Variants in ESRRB observed in about 807,000 individuals in gnomAD.
ESRRB encodes the protein estrogen related receptor beta, also known as steroid hormone receptor ERR2.
ESRRB carries 16 observed loss-of-function variants against 46.0 expected under a neutral mutation model. The observed-to-expected ratio is 0.35, with a 90% CI of 0.24 to 0.53. ESRRB has a LOEUF of 0.53. ESRRB is among the 20% of genes least tolerant of loss of function. The probability of loss-of-function intolerance (pLI) is 0.93; values close to 1 mark genes in which losing one functional copy is unlikely to be tolerated. For missense variants in ESRRB, 488 were observed against 607.4 expected, an observed-to-expected ratio of 0.80 and a Z score of 2.07; for synonymous variants, 246 against 259.6, an observed-to-expected ratio of 0.95 and a Z score of 0.50.
chr14:76,457,281 G>C (rs1168297737), intron 2 of ESRRB, among the ~76,000 whole-genome samples: 1 of 152,022 alleles, frequency 6.6e-6, no homozygotes, highest in Non-Finnish European at 1.5e-5. Context: ...AGACCTTAAT[G>C]TTCTCAAATA....
intron 1 of ESRRB, among the ~76,000 whole-genome samples, chr14:76,325,199 G>A (rs938706688): frequency 4.6e-5 from 7 of 152,004 alleles, no homozygotes; most frequent in East Asian, 1.9e-4. Flanking sequence ...CAGGTGATCC[G>A]CCCACCTTGG....
At chr14:76,414,668 T>TAAAAAAA (rs71452810) in intron 1 of ESRRB, among the ~76,000 whole-genome samples, 1,228 of 116,690 alleles carry the variant, frequency 0.011, 20 homozygotes, top group East Asian at 0.061. Context: ...GTTTGTTCCT[T>TAAAAAAA]AAAAAAAAAA....
chr14:76,426,887 A>C (rs1320367458), intron 1 of ESRRB, among the ~76,000 whole-genome samples: 1 of 152,222 alleles, frequency 6.6e-6, no homozygotes, highest in Non-Finnish European at 1.5e-5. Context: ...AACAAACAAA[A>C]AAATTGTTTA....
chr14:76,317,310 C>CTGTGTGTGTG (rs4024313), intron 1 of ESRRB, among the ~76,000 whole-genome samples: 115 of 134,524 alleles, frequency 8.5e-4, no homozygotes, highest in African/African-American at 1.7e-3. Flanking sequence ...TGATTAGGCT[C>CTGTGTGTGTG]TGTGTGTGTG....
intron 1 of ESRRB, among the ~76,000 whole-genome samples, chr14:76,394,497 TC>T (rs2139825997): frequency 6.6e-6 from 1 of 152,288 alleles, no homozygotes; most frequent in African/African-American, 2.4e-5. Context: ...GGTACTCTCC[TC>T]CCCAAAGAGG....
chr14:76,313,348 A>G (rs924619646), intron 1 of ESRRB, among the ~76,000 whole-genome samples: 2 of 152,114 alleles, frequency 1.3e-5, no homozygotes, highest in South Asian at 2.1e-4. Flanking sequence ...CTTAAATGCA[A>G]TTGGTCACGG....
intron 1 of ESRRB, among the ~76,000 whole-genome samples, chr14:76,349,487 G>T (rs1387663262): frequency 6.6e-6 from 1 of 152,186 alleles, no homozygotes; most frequent in Non-Finnish European, 1.5e-5. Flanking sequence ...ACCCAAGAAG[G>T]TGTGGCCTCC....
At chr14:76,408,407 T>C (rs1458050564) in intron 1 of ESRRB, among the ~76,000 whole-genome samples, 2 of 151,790 alleles carry the variant, frequency 1.3e-5, no homozygotes, top group East Asian at 3.9e-4. Context: ...GGCAAGACTC[T>C]GTCTCTACAA....
intron 3 of ESRRB, chr14:76,463,446 T>TTTTTTTTG (rs1566600003): frequency 1.9e-5 from 2 of 104,564 alleles, no homozygotes; most frequent in Admixed American, 1.8e-4. Context: ...TGCTTCTTTG[T>TTTTTTTTG]TTTTTTTTTT....
intron 1 of ESRRB, among the ~76,000 whole-genome samples, chr14:76,353,745 G>T (rs754908123): frequency 6.6e-6 from 1 of 151,946 alleles, no homozygotes; most frequent in Non-Finnish European, 1.5e-5. Context: ...TGAGCCCAGG[G>T]GTTTGAGACC....
intron 1 of ESRRB, among the ~76,000 whole-genome samples, chr14:76,324,846 C>T (rs1191631330): frequency 1.3e-5 from 2 of 152,228 alleles, no homozygotes; most frequent in South Asian, 2.1e-4. Flanking sequence ...GAGCTCCCTA[C>T]AATTGCCTTC....
At chr14:76,437,479 G>A (rs1463605506) in intron 1 of ESRRB, among the ~76,000 whole-genome samples, 1 of 152,180 alleles carries the variant, frequency 6.6e-6, no homozygotes, top group African/African-American at 2.4e-5. Flanking sequence ...GTGATAAGAG[G>A]GAGAGACAGA....
intron 1 of ESRRB, among the ~76,000 whole-genome samples, chr14:76,352,827 CG>C: frequency 6.6e-6 from 1 of 152,356 alleles, no homozygotes; most frequent in East Asian, 1.9e-4. Context: ...TCTGGGAACG[CG>C]GGCTCTCTCC....
At chr14:76,358,407 G>GAAAGAAGGAAAGA (rs1884423049) in intron 1 of ESRRB, among the ~76,000 whole-genome samples, 1 of 128,040 alleles carries the variant, frequency 7.8e-6, no homozygotes, top group Non-Finnish European at 1.7e-5. Context: ...AAGAAAGAAA[G>GAAAGAAGGAAAGA]AAAGAAAAGA....
chr14:76,500,062 G>C lies in ESRRB; in HGVS notation c.*1604G>C. On this transcript the variant is annotated 3_prime_UTR_variant, in exon 7 of 7. Coordinates refer to ENST00000644823, the MANE Select transcript of ESRRB (RefSeq NM_001379180.1). ...TCACCCAGCACTAGGACACCAGGAG[G>C]CCAGGTAACTTTCTGCAGCTTTTCC... is the stretch of plus-strand genomic sequence containing the variant. The C allele has an allele frequency of 6.5e-7, 1 of 1,550,350 alleles. No homozygotes were observed. The highest frequency in any genetic ancestry group is 1.2e-5 in the South Asian group (1 of 84,052).
At chr14:76,367,898 T>G (rs1217967382), upstream of ESRRB, among the ~76,000 whole-genome samples, 4 of 151,446 alleles carry the variant, frequency 2.6e-5, no homozygotes, top group South Asian at 8.3e-4. Context: ...AGAAGGCCTT[T>G]GTCCCCCTCC....
chr14:76,478,481 G>T (rs762709395), intron 3 of ESRRB, among the ~76,000 whole-genome samples: 1 of 152,080 alleles, frequency 6.6e-6, no homozygotes, highest in Non-Finnish European at 1.5e-5. Context: ...ATTGACAGCT[G>T]CTTGCCGGGA....
At position 76,387,274 on chromosome 14, in the gene ESRRB, T is replaced by C. The variant is rs117982877; in HGVS notation, c.50+10823T>C. ...TCAGAACAGCACAGTCGCACAGCCT[T>C]GGTAAACACAACCATTGTTTTAAGC... On this transcript the variant is annotated intron_variant, in intron 1 of 6. Transcript: ENST00000644823. Among the ~76,000 whole-genome samples, 85 of 152,310 alleles carry C rather than the reference T, an allele frequency of 5.6e-4. No individual in the cohort carries two copies. In the East Asian group the frequency reaches 0.016, roughly 28 times the overall value.
intron 2 of ESRRB, among the ~76,000 whole-genome samples, chr14:76,457,413 G>A (rs556157593): frequency 5.3e-5 from 8 of 151,890 alleles, no homozygotes; most frequent in South Asian, 4.2e-4. Flanking sequence ...CTTTGAATGC[G>A]GCCCAACACA....
Sources: gnomAD v4.1 joint callset for allele counts (sites outside exome capture counted in the v4.1 genomes callset) on GRCh38, gnomAD v4.1.1 for gene constraint, MANE v1.5 for transcripts, NCBI Gene and HGNC (gene_info 2026-07-23, HGNC 2026-07-21) for gene names.